Variants in ZNF765 observed in about 807,000 individuals in gnomAD.
The protein encoded by ZNF765 is zinc finger protein 765.
In ZNF765, 37 loss-of-function variants were observed where a neutral mutation model predicts 44.7. The ratio of observed to expected loss-of-function variants is 0.83; its 90% CI spans 0.64 to 1.09. The LOEUF is 1.09. Among genes scored for constraint, ZNF765 ranks in the 50% least tolerant of loss-of-function variants. The pLI, the probability that ZNF765 is intolerant of heterozygous loss-of-function variation, is 0.00. For missense variants in ZNF765, 594 were observed against 626.1 expected, an observed-to-expected ratio of 0.95 and a Z score of 0.55; for synonymous variants, 201 against 213.7, an observed-to-expected ratio of 0.94 and a Z score of 0.52.
At chr19:53,414,866 T>A (rs575356316), downstream of ZNF765, among the ~76,000 whole-genome samples, 34 of 152,128 alleles carry the variant, frequency 2.2e-4, 1 homozygote, top group Admixed American at 6.6e-4. Context: ...CACACTCAGC[T>A]CTGTCAATGT....
At chr19:53,405,903 C>CCATATATATATATATA (rs2085768367) in intron 3 of ZNF765, among the ~76,000 whole-genome samples, 2 of 49,170 alleles carry the variant, frequency 4.1e-5, no homozygotes, top group African/African-American at 1.2e-4. Context: ...TTAATACCAA[C>CCATATATATATATATA]TATATATATA....
chr19:53,421,462 A>C (rs1420620168), intron 3 of ZNF765, among the ~76,000 whole-genome samples: 1 of 152,180 alleles, frequency 6.6e-6, no homozygotes, highest in Non-Finnish European at 1.5e-5. Context: ...AAACATCCAC[A>C]GGTGTAGAGG....
intron 3 of ZNF765, among the ~76,000 whole-genome samples, chr19:53,419,436 T>C (rs975281430): frequency 6.6e-6 from 1 of 151,930 alleles, no homozygotes; most frequent in Non-Finnish European, 1.5e-5. Context: ...ACATAAGGAG[T>C]CTGTTGATTA....
chr19:53,408,284 T>C lies in ZNF765; in HGVS notation c.729T>C (p.Tyr243=). 3 of 1,614,186 alleles carry C rather than the reference T, an allele frequency of 1.9e-6. No homozygotes were observed. Among genetic ancestry groups the C allele is most frequent in the Non-Finnish European group, 2.5e-6 (3 of 1,180,020 alleles). Reference sequence around the variant, plus strand: ...TAATCCATTTAGGAGAGAAACAATATAAATGCGATATATGTGGCAAGGTCT... The same window carrying C: ...TAATCCATTTAGGAGAGAAACAATACAAATGCGATATATGTGGCAAGGTCT... ...HQLIHLGEKQ[Y]KCDICGKVFN... is the part of the protein sequence containing the mutation. The change falls in exon 4 of 4, where the codon TAT becomes TAC. Residue 243 remains tyrosine, a synonymous_variant. Coordinates refer to ENST00000396408, the MANE Select transcript of ZNF765 (RefSeq NM_001040185.3).
chr19:53,399,530 A>T (rs566611063), intron 2 of ZNF765, among the ~76,000 whole-genome samples: 88 of 152,158 alleles, frequency 5.8e-4, no homozygotes, highest in African/African-American at 2.0e-3. Flanking sequence ...TTTTTACAAA[A>T]ATTAGCCTGG....
downstream of ZNF765, among the ~76,000 whole-genome samples, chr19:53,416,910 C>T (rs2085878424): frequency 2.0e-5 from 3 of 151,836 alleles, no homozygotes; most frequent in Non-Finnish European, 4.4e-5. Flanking sequence ...CTCTGCCTCG[C>T]AGGTTTGAGC....
intron 3 of ZNF765, among the ~76,000 whole-genome samples, chr19:53,419,507 T>C (rs2085894874): frequency 6.6e-6 from 1 of 152,192 alleles, no homozygotes; most frequent in Non-Finnish European, 1.5e-5. Context: ...AGGAAAGTTT[T>C]AATAATCAGT....
intron 1 of ZNF765, among the ~76,000 whole-genome samples, chr19:53,395,690 C>T (rs562575666): frequency 1.2e-4 from 19 of 152,346 alleles, no homozygotes; most frequent in African/African-American, 4.1e-4. Flanking sequence ...CCCAGGTTCG[C>T]CTCCACAGTC....
At chr19:53,422,677 G>A (rs1286599928) in intron 3 of ZNF765, among the ~76,000 whole-genome samples, 5 of 151,928 alleles carry the variant, frequency 3.3e-5, no homozygotes, top group Non-Finnish European at 7.4e-5. Context: ...TGAGTTCAAG[G>A]GATCCTCCTA....
intron 3 of ZNF765, among the ~76,000 whole-genome samples, chr19:53,406,843 A>C (rs150169522): frequency 0.012 from 1,764 of 152,290 alleles, 34 homozygotes; most frequent in African/African-American, 0.04. Flanking sequence ...TGAACCCAAA[A>C]GGTGGAGGTT....
At position 53,408,716 on chromosome 19, in the gene ZNF765, G is replaced by C. The variant is rs544957242; in HGVS notation, c.1161G>C (p.Glu387Asp). 2 of 1,531,994 alleles carry C rather than the reference G, an allele frequency of 1.3e-6. No individual in the cohort carries two copies. The highest frequency in any genetic ancestry group is 1.8e-6 in the Non-Finnish European group (2 of 1,128,370). The allele number at this position is 1,531,994 out of a possible 1,614,324, so 94.9% of individuals were successfully genotyped here. Residue 387 changes from glutamate to aspartate, a missense_variant, in exon 4 of 4, where the codon GAG becomes GAC. By Grantham distance (45) the Glu-to-Asp change is conservative (BLOSUM62 2). Coordinates refer to ENST00000396408, the MANE Select transcript of ZNF765 (RefSeq NM_001040185.3). ...GAGAGAAACCTTACAAGTGTAATGAGTGTAGCAAGACCTTTAGTCACAAGT... is the reference window on the plus strand; with the variant it reads ...GAGAGAAACCTTACAAGTGTAATGACTGTAGCAAGACCTTTAGTCACAAGT... ...HTGEKPYKCN[E>D]CSKTFSHKSS...
chr19:53,396,234 T>C (rs2927691), intron 1 of ZNF765, among the ~76,000 whole-genome samples: 100,635 of 149,902 alleles, frequency 0.67, 34,040 homozygotes, highest in African/African-American at 0.79. Flanking sequence ...TCTGGGGTGC[T>C]AGAGAGTGGG....
At chr19:53,400,621 A>C (rs530231634) in intron 2 of ZNF765, among the ~76,000 whole-genome samples, 4 of 152,046 alleles carry the variant, frequency 2.6e-5, no homozygotes, top group Admixed American at 6.6e-5. Flanking sequence ...ACACATACAC[A>C]TATACATATA....
downstream of ZNF765, among the ~76,000 whole-genome samples, chr19:53,412,592 ACT>A (rs1327941811): frequency 3.3e-5 from 5 of 152,176 alleles, no homozygotes; most frequent in Non-Finnish European, 7.3e-5. Flanking sequence ...TTGAAAAGAG[ACT>A]CTATCAAAGT....
chr19:53,405,798 G>GCA (rs2147095046), intron 3 of ZNF765, among the ~76,000 whole-genome samples: 2 of 150,522 alleles, frequency 1.3e-5, no homozygotes, highest in Admixed American at 1.3e-4. Flanking sequence ...TTTATTGTAT[G>GCA]ATTTGATTTA....
intron 3 of ZNF765, among the ~76,000 whole-genome samples, chr19:53,405,885 CTAGA>C (rs2147095126): frequency 1.0e-5 from 1 of 96,992 alleles, no homozygotes; most frequent in African/African-American, 3.8e-5. Flanking sequence ...GCATAGTGAA[CTAGA>C]TAATTAATAC....
chr19:53,411,742 T>C lies in ZNF765; in HGVS notation c.*2615T>C, dbSNP rs2085836014. The C allele has an allele frequency of 6.6e-6, 1 of 152,326 alleles. No individual in the cohort carries two copies. The highest frequency in any genetic ancestry group is 1.5e-5 in the Non-Finnish European group (1 of 68,096). The allele number at this position is 152,326 out of a possible 1,614,324, so 9.4% of individuals were successfully genotyped here. A position where few individuals can be genotyped will look rare whatever the true frequency, so the allele number is the denominator to read the frequency against. ...TGATCAATGTTTGTAGATTTCAAGG[T>C]AAAAACCTCTGACCTTTTTACGTTT... On this transcript the variant is annotated 3_prime_UTR_variant, in exon 4 of 4. Transcript: ENST00000396408.
chr19:53,408,761 T>C lies in ZNF765; in HGVS notation c.1206T>C (p.Arg402=). 3.1e-6 allele frequency: 5 copies of C among 1,613,458 alleles called. No individual in the cohort carries two copies. In the South Asian group the frequency reaches 5.5e-5, roughly 18 times the overall value. ...FSHKSSLTYH[R]RLHTEEKPYK... Reference sequence around the variant, plus strand: ...ACAAGTCATCTCTTACATACCATCGTAGACTTCATACTGAAGAGAAACCTT... The same window carrying C: ...ACAAGTCATCTCTTACATACCATCGCAGACTTCATACTGAAGAGAAACCTT... Residue 402 remains arginine (R), a synonymous_variant, in exon 4 of 4, where the codon CGT becomes CGC. Coordinates refer to ENST00000396408, the MANE Select transcript of ZNF765 (RefSeq NM_001040185.3).
chr19:53,421,593 C>T lies in ZNF765; in HGVS notation c.143-1469C>T, dbSNP rs570716708. Among the ~76,000 whole-genome samples, 72 of 152,264 alleles carry T rather than the reference C, an allele frequency of 4.7e-4. 1 individual carries two copies. The highest frequency in any genetic ancestry group is 1.7e-3 in the African/African-American group (70 of 41,542). ...GCAGTGGCACGATCCCGGTTCACTGCTACCTCTGCCTTCTGGTTTCAAGCA... is the reference window on the plus strand; with the variant it reads ...GCAGTGGCACGATCCCGGTTCACTGTTACCTCTGCCTTCTGGTTTCAAGCA... On this transcript the variant is annotated intron_variant, in intron 3 of 3. Coordinates refer to the ZNF765 transcript ENST00000594030.
Sources: allele counts gnomAD v4.1 joint callset (sites outside exome capture counted in the v4.1 genomes callset), GRCh38; gene constraint gnomAD v4.1.1; transcripts MANE v1.5; gene names NCBI Gene and HGNC (gene_info 2026-07-23, HGNC 2026-07-21).